SUGCT: variants seen among roughly 807,000 people sequenced by gnomAD.
SUGCT encodes the protein succinyl-CoA:glutarate-CoA transferase.
In SUGCT, 41 loss-of-function variants were observed where a neutral mutation model predicts 55.0. The ratio of observed to expected loss-of-function variants is 0.74; its 90% CI spans 0.58 to 0.97. SUGCT has a LOEUF of 0.97. SUGCT is among the 50% of genes least tolerant of loss of function. SUGCT has a pLI of 0.00. For missense variants in SUGCT, 568 were observed against 547.8 expected, an observed-to-expected ratio of 1.04 and a Z score of -0.37; for synonymous variants, 187 against 200.4, an observed-to-expected ratio of 0.93 and a Z score of 0.56.
the SUGCT span, among the ~76,000 whole-genome samples, chr7:40,904,317 G>A: frequency 2.1e-4 from 32 of 152,280 alleles, no homozygotes; most frequent in Non-Finnish European, 4.4e-4. Context: ...GCCTCATGGA[G>A]GCAGGTCTCC....
At chr7:40,195,392 T>A (rs1308340813) in intron 6 of SUGCT, among the ~76,000 whole-genome samples, 3 of 151,852 alleles carry the variant, frequency 2.0e-5, no homozygotes, top group Admixed American at 1.3e-4. Flanking sequence ...CCAGCTAATT[T>A]TTGTATTTTT....
At chr7:40,408,320 T>C (rs1786491542) in intron 9 of SUGCT, among the ~76,000 whole-genome samples, 1 of 152,164 alleles carries the variant, frequency 6.6e-6, no homozygotes, top group Admixed American at 6.5e-5. Context: ...CCTTATCATT[T>C]GAACACTTTT....
At chr7:40,708,923 G>A (rs1473561862) in intron 12 of SUGCT, among the ~76,000 whole-genome samples, 2 of 152,168 alleles carry the variant, frequency 1.3e-5, no homozygotes, top group African/African-American at 4.8e-5. Flanking sequence ...GTTCCTTGAG[G>A]GTAGAGGCTT....
At chr7:40,753,006 A>G (rs1212896990) in intron 13 of SUGCT, among the ~76,000 whole-genome samples, 2 of 152,206 alleles carry the variant, frequency 1.3e-5, no homozygotes, top group African/African-American at 2.4e-5. Flanking sequence ...TGGAATTAGA[A>G]TCTGAGTGTG....
chr7:40,219,130 T>G (rs1025964744), intron 6 of SUGCT, among the ~76,000 whole-genome samples: 5 of 152,120 alleles, frequency 3.3e-5, no homozygotes, highest in Admixed American at 1.3e-4. Context: ...CGCGCCACCT[T>G]TATGAGCTAT....
intron 8 of SUGCT, among the ~76,000 whole-genome samples, chr7:40,289,257 A>T (rs1260468765): frequency 6.6e-6 from 1 of 152,126 alleles, no homozygotes; most frequent in South Asian, 2.1e-4. Context: ...CGAGAGTATC[A>T]GAATCATTAC....
intron 12 of SUGCT, among the ~76,000 whole-genome samples, chr7:40,624,587 T>G (rs1036008924): frequency 6.6e-6 from 1 of 152,206 alleles, no homozygotes; most frequent in Non-Finnish European, 1.5e-5. Context: ...TTAACTAATG[T>G]GCTGATAAGC....
At chr7:40,784,174 G>A (rs1008319606) in intron 13 of SUGCT, among the ~76,000 whole-genome samples, 1 of 152,038 alleles carries the variant, frequency 6.6e-6, no homozygotes, top group African/African-American at 2.4e-5. Flanking sequence ...CATGGCTTCC[G>A]GGCAAAGAGA....
intron 9 of SUGCT, among the ~76,000 whole-genome samples, chr7:40,390,751 A>G (rs1346701893): frequency 5.3e-5 from 8 of 152,176 alleles, no homozygotes; most frequent in Non-Finnish European, 1.2e-4. Context: ...TCAAGCTACC[A>G]ATGACTTTCT....
chr7:40,530,758 T>C (rs891626868), intron 12 of SUGCT, among the ~76,000 whole-genome samples: 1 of 152,238 alleles, frequency 6.6e-6, no homozygotes. Flanking sequence ...AAATTTTAGA[T>C]TCAGCTAATC....
At position 40,504,246 on chromosome 7, in the gene SUGCT, A is replaced by AAAAC. The variant is rs143157340; in HGVS notation, c.1089+7883_1089+7886dup. On this transcript the variant is annotated intron_variant, in intron 12 of 13. Transcript: ENST00000335693. ...GAGAATAGACCTTCTTCTTTTTTAAAAAACAAACAAACAAACAAACAAACA... is the reference window on the plus strand; with the variant it reads ...GAGAATAGACCTTCTTCTTTTTTAAAAAACAAACAAACAAACAAACAAACAAACA... Among the ~76,000 whole-genome samples, 981 of 152,078 alleles carry AAAAC rather than the reference A, an allele frequency of 6.5e-3. 11 individuals are homozygous for AAAAC. The highest frequency in any genetic ancestry group is 0.018 in the African/African-American group (758 of 41,376).
intron 9 of SUGCT, among the ~76,000 whole-genome samples, chr7:40,375,621 T>C (rs1302829745): frequency 6.6e-6 from 1 of 152,192 alleles, no homozygotes; most frequent in Non-Finnish European, 1.5e-5. Context: ...ATTTGAGAGA[T>C]TGTCCCAGAC....
intron 12 of SUGCT, among the ~76,000 whole-genome samples, chr7:40,505,263 G>T (rs1355338831): frequency 6.6e-6 from 1 of 152,002 alleles, no homozygotes; most frequent in Non-Finnish European, 1.5e-5. Flanking sequence ...TATGTCTCAT[G>T]TAGATGGTAG....
At chr7:40,663,941 AG>A (rs1031283894) in intron 12 of SUGCT, among the ~76,000 whole-genome samples, 2 of 152,106 alleles carry the variant, frequency 1.3e-5, no homozygotes, top group Admixed American at 1.3e-4. Context: ...AACTCTTTAC[AG>A]GGGTAATCAA....
rs569092734 is a variant in SUGCT at position 40,264,157 on chromosome 7, C to T, written c.577-10356C>T. On this transcript the variant is annotated intron_variant, in intron 7 of 13. Coordinates refer to ENST00000335693, the MANE Select transcript of SUGCT (RefSeq NM_001193313.2). ...AGTAGACACTGATCTCTAAACAACT[C>T]GTGTACTTTCCTGCTTGTTTACCTT... is the stretch of plus-strand genomic sequence containing the variant. Among the ~76,000 whole-genome samples the T allele has an allele frequency of 1.4e-3, 217 of 152,216 alleles. 1 individual carries two copies. Among genetic ancestry groups the T allele is most frequent in the African/African-American group, 5.1e-3 (210 of 41,550 alleles).
intron 8 of SUGCT, among the ~76,000 whole-genome samples, chr7:40,304,644 T>A (rs996651449): frequency 3.3e-5 from 5 of 150,868 alleles, no homozygotes. Context: ...TGTCTTTGCA[T>A]CCTCATAGCT....
the SUGCT span, among the ~76,000 whole-genome samples, chr7:40,896,297 T>A: frequency 2.2e-4 from 34 of 152,244 alleles, no homozygotes; most frequent in African/African-American, 8.2e-4. Context: ...AAGTGAAACA[T>A]CTATACACTG....
intron 12 of SUGCT, among the ~76,000 whole-genome samples, chr7:40,535,720 A>T (rs888216840): frequency 6.6e-6 from 1 of 152,204 alleles, no homozygotes; most frequent in Non-Finnish European, 1.5e-5. Flanking sequence ...AGCAACATGG[A>T]TACAACAGGA....
intron 12 of SUGCT, among the ~76,000 whole-genome samples, chr7:40,687,846 C>G (rs1366782219): frequency 6.6e-6 from 1 of 152,096 alleles, no homozygotes; most frequent in Non-Finnish European, 1.5e-5. Context: ...GTGAAGGCTT[C>G]CAGGTTCTAT....
Sources: allele counts gnomAD v4.1 joint callset (sites outside exome capture counted in the v4.1 genomes callset), GRCh38; gene constraint gnomAD v4.1.1; transcripts MANE v1.5; gene names NCBI Gene and HGNC (gene_info 2026-07-23, HGNC 2026-07-21).